The following R3HDM1 variants were observed in gnomAD, a reference collection of about 807,000 sequenced individuals.
R3HDM1 encodes R3H domain-containing protein 1.
R3HDM1 carries 46 observed loss-of-function variants against 141.1 expected under a neutral mutation model. The observed-to-expected ratio is 0.33, with a 90% CI of 0.26 to 0.42. The LOEUF (loss-of-function observed/expected upper bound fraction) is 0.42, where lower values mean the gene tolerates loss of function less well. Among genes scored for constraint, R3HDM1 ranks in the 10% least tolerant of loss-of-function variants. R3HDM1 has a pLI of 1.00. For synonymous variants in R3HDM1, 435 were observed against 472.9 expected, an observed-to-expected ratio of 0.92 and a Z score of 1.04; for missense variants, 1,184 against 1,368.3, an observed-to-expected ratio of 0.87 and a Z score of 2.12.
chr2:135,621,332 G>GT (rs1206187966), intron 5 of R3HDM1, among the ~76,000 whole-genome samples, 162 bp from the exon 6 acceptor site: 10 of 152,026 alleles, frequency 6.6e-5, no homozygotes, highest in African/African-American at 2.4e-4. Flanking sequence ...TTTGATAAAA[G>GT]TAGTAAAGTA....
At chr2:135,687,220 A>T (rs1382388951) in intron 21 of R3HDM1, among the ~76,000 whole-genome samples, 4 of 152,168 alleles carry the variant, frequency 2.6e-5, no homozygotes, top group Non-Finnish European at 5.9e-5. Flanking sequence ...AAAATAGTCA[A>T]ACTTGTAGAA....
intron 1 of R3HDM1, chr2:135,577,298 C>A: frequency 1.2e-6 from 1 of 818,716 alleles, no homozygotes; most frequent in Non-Finnish European, 1.5e-6. Flanking sequence ...AAAATTTTTT[C>A]AACATATACC....
chr2:135,618,052 A>G (rs2061198628), intron 5 of R3HDM1, among the ~76,000 whole-genome samples: 1 of 152,240 alleles, frequency 6.6e-6, no homozygotes, highest in Non-Finnish European at 1.5e-5. Flanking sequence ...TATTGCTTGA[A>G]AATGCAAGGA....
In R3HDM1 at chr2:135,699,045, A is replaced by AGATAGATTGATAGATT. The variant is rs202144929; in HGVS notation, c.2460-10388_2460-10387insGATAGATTGATAGATT. ...TAGATAGATAGATAGATAGATAGAT[A>AGATAGATTGATAGATT]AGATAGATAAGATAGATTGATTAGA... On this transcript the variant is annotated intron_variant, in intron 21 of 26. Coordinates refer to ENST00000683871, the MANE Select transcript of R3HDM1 (RefSeq NM_001378107.1). Among the ~76,000 whole-genome samples the AGATAGATTGATAGATT allele has an allele frequency of 1.2e-3, 158 of 129,888 alleles. 1 individual carries two copies. The highest frequency in any genetic ancestry group is 2.9e-3 in the East Asian group (13 of 4,524). The allele number at this position is 129,888 out of a possible 152,430, so 85.2% of individuals were successfully genotyped here.
chr2:135,640,004 C>T (rs2063624780), intron 14 of R3HDM1, among the ~76,000 whole-genome samples: 1 of 151,144 alleles, frequency 6.6e-6, no homozygotes. Context: ...GAGGCTGAGG[C>T]AGGAGAATCG....
At chr2:135,561,257 T>C (rs1187160440) in intron 1 of R3HDM1, 1 of 979,820 alleles carries the variant, frequency 1.0e-6, no homozygotes, top group Non-Finnish European at 1.2e-6. Context: ...TTTTCTCTTT[T>C]TAGTGAGCCA....
At chr2:135,646,158 T>C (rs2064375777) in intron 16 of R3HDM1, among the ~76,000 whole-genome samples, 1 of 147,942 alleles carries the variant, frequency 6.8e-6, no homozygotes, top group Non-Finnish European at 1.5e-5. Context: ...TTTTTTGAGA[T>C]GGAGTCTTGC....
intron 1 of R3HDM1, chr2:135,596,996 A>AT: frequency 1.0e-6 from 1 of 980,978 alleles, no homozygotes; most frequent in Non-Finnish European, 1.2e-6. Flanking sequence ...GTGGATCACA[A>AT]TGTATGAGAG....
intron 18 of R3HDM1, among the ~76,000 whole-genome samples, chr2:135,659,278 G>A (rs978853492): frequency 6.6e-6 from 1 of 151,760 alleles, no homozygotes; most frequent in Non-Finnish European, 1.5e-5. Context: ...TGTATTTTTT[G>A]TAGAGATAGG....
At chr2:135,563,743 G>T (rs1341266988) in intron 1 of R3HDM1, among the ~76,000 whole-genome samples, 1 of 152,098 alleles carries the variant, frequency 6.6e-6, no homozygotes, top group Non-Finnish European at 1.5e-5. Flanking sequence ...TGTGGTTACA[G>T]TTTAGCTCTT....
At chr2:135,564,158 C>A (rs1264101052) in intron 1 of R3HDM1, among the ~76,000 whole-genome samples, 1 of 152,184 alleles carries the variant, frequency 6.6e-6, no homozygotes, top group Non-Finnish European at 1.5e-5. Context: ...TTGAATGAGA[C>A]AAACATCCAA....
Position 135,680,231 on chromosome 2 carries a change from T to C in R3HDM1, c.2366T>C (p.Met789Thr). ...CATCAGACTTATCAACAGCCTGTTA[T>C]GTTCCCTAATCAGTCTAATCAAGGA... is the stretch of plus-strand genomic sequence containing the variant. ...IPHQTYQQPVMFPNQSNQGSM... is the reference protein window; with the variant it reads ...IPHQTYQQPVTFPNQSNQGSM... The change falls in exon 21 of 27, where the codon ATG (methionine) becomes ACG (threonine). Residue 789 changes from methionine (M) to threonine (T), a missense_variant. Around this residue, in one of 5 missense-constraint regions of R3HDM1, gnomAD observed 563 missense variants for 562.0 expected, o/e 1.00. Transcript: ENST00000683871. 1.2e-6 allele frequency: 2 copies of C among 1,613,606 alleles called. No homozygotes were observed. The highest frequency in any genetic ancestry group is 1.7e-6 in the Non-Finnish European group (2 of 1,179,488).
intron 21 of R3HDM1, among the ~76,000 whole-genome samples, chr2:135,698,352 G>A (rs907180331): frequency 6.6e-6 from 1 of 151,648 alleles, no homozygotes; most frequent in African/African-American, 2.4e-5. Flanking sequence ...GTAGAGACGG[G>A]GTTTCACCAT....
At chr2:135,542,057 C>T (rs1333760225) in intron 1 of R3HDM1, among the ~76,000 whole-genome samples, 2 of 152,044 alleles carry the variant, frequency 1.3e-5, no homozygotes, top group African/African-American at 4.8e-5. Flanking sequence ...TACTCATAGC[C>T]TAAAGGGAAT....
At chr2:135,634,708 T>C (rs1398157911) in intron 9 of R3HDM1, among the ~76,000 whole-genome samples, 1 of 152,216 alleles carries the variant, frequency 6.6e-6, no homozygotes, top group Non-Finnish European at 1.5e-5. Flanking sequence ...GCTGAAAATA[T>C]CATTACTCAG....
At chr2:135,600,543 T>C (rs928096625) in intron 1 of R3HDM1, among the ~76,000 whole-genome samples, 1 of 152,108 alleles carries the variant, frequency 6.6e-6, no homozygotes, top group African/African-American at 2.4e-5. Flanking sequence ...TTTTTTCCAC[T>C]TTGCAGATCA....
chr2:135,658,328 G>C (rs993178619), intron 18 of R3HDM1, among the ~76,000 whole-genome samples: 1 of 152,082 alleles, frequency 6.6e-6, no homozygotes, highest in East Asian at 1.9e-4. Context: ...CACCATGCCC[G>C]GCTAATTTTT....
chr2:135,572,786 C>T (rs1012087179), intron 1 of R3HDM1, among the ~76,000 whole-genome samples: 1 of 152,180 alleles, frequency 6.6e-6, no homozygotes, highest in African/African-American at 2.4e-5. Context: ...AATGGATAAA[C>T]AAAATGTGTA....
chr2:135,549,615 G>A (rs987280583), intron 1 of R3HDM1, among the ~76,000 whole-genome samples: 3 of 150,930 alleles, frequency 2.0e-5, no homozygotes, highest in Middle Eastern at 6.8e-3. Flanking sequence ...ATATTGCTGA[G>A]GCTGAACTGA....
Sources: gnomAD v4.1 joint callset for allele counts (sites outside exome capture counted in the v4.1 genomes callset) on GRCh38, gnomAD v4.1.1 for gene constraint, gnomAD v4.1.1 regional missense constraint, MANE v1.5 for transcripts, NCBI Gene and HGNC (gene_info 2026-07-23, HGNC 2026-07-21) for gene names.